The following BCKDHB variants were observed in gnomAD, a reference collection of about 807,000 sequenced individuals.
BCKDHB encodes 2-oxoisovalerate dehydrogenase subunit beta, mitochondrial.
BCKDHB carries 41 observed loss-of-function variants against 48.5 expected under a neutral mutation model. The ratio of observed to expected loss-of-function variants is 0.85; its 90% CI spans 0.66 to 1.10. BCKDHB has a LOEUF of 1.10. Among genes scored for constraint, BCKDHB ranks in the 50% least tolerant of loss-of-function variants. BCKDHB has a pLI of 0.00. For missense variants in BCKDHB, 496 were observed against 494.2 expected, an observed-to-expected ratio of 1.00 and a Z score of -0.03; for synonymous variants, 201 against 174.8, an observed-to-expected ratio of 1.15 and a Z score of -1.18.
At chr6:80,292,428 A>AT (rs1363406842) in intron 9 of BCKDHB, among the ~76,000 whole-genome samples, 6 of 151,834 alleles carry the variant, frequency 4.0e-5, no homozygotes, top group African/African-American at 1.5e-4. Flanking sequence ...ACTCCTCTTT[A>AT]TAAAACCATC....
At position 80,155,134 on chromosome 6, in the gene BCKDHB, C is replaced by T. The variant is rs9448903; in HGVS notation, c.344-12544C>T. Reference sequence around the variant, plus strand: ...GAAGTTTTCCTGATCATTTTTATTCCTGTTTTCTTAACATGCTTTTTATTT... The same window carrying T: ...GAAGTTTTCCTGATCATTTTTATTCTTGTTTTCTTAACATGCTTTTTATTT... On this transcript the variant is annotated intron_variant, in intron 3 of 9. Transcript: ENST00000320393. Among the ~76,000 whole-genome samples, 149 of 152,080 alleles carry T rather than the reference C, an allele frequency of 9.8e-4. 1 individual carries two copies. Among genetic ancestry groups the T allele is most frequent in the Middle Eastern group, 3.4e-3 (1 of 294 alleles).
At chr6:80,257,636 G>A (rs1777109624) in intron 8 of BCKDHB, among the ~76,000 whole-genome samples, 1 of 152,002 alleles carries the variant, frequency 6.6e-6, no homozygotes, top group South Asian at 2.1e-4. Flanking sequence ...CTGTCTGTAA[G>A]CTAGAGATTC....
intron 9 of BCKDHB, among the ~76,000 whole-genome samples, chr6:80,315,870 C>T (rs539822676): frequency 6.6e-6 from 1 of 152,144 alleles, no homozygotes; most frequent in Non-Finnish European, 1.5e-5. Context: ...AAAGCACCTA[C>T]CACAATATGT....
the BCKDHB span, among the ~76,000 whole-genome samples, chr6:80,456,440 C>G: frequency 1.3e-5 from 2 of 152,094 alleles, no homozygotes; most frequent in Non-Finnish European, 2.9e-5. Context: ...TTTCCTAGCT[C>G]CCAGATTTCT....
the BCKDHB span, among the ~76,000 whole-genome samples, chr6:80,367,294 A>G: frequency 6.6e-6 from 1 of 152,136 alleles, no homozygotes; most frequent in African/African-American, 2.4e-5. Flanking sequence ...TTATTAGAAT[A>G]AATTTTACCA....
chr6:80,253,999 ATTACT>A (rs1376007995), intron 8 of BCKDHB, among the ~76,000 whole-genome samples: 1 of 151,924 alleles, frequency 6.6e-6, no homozygotes, highest in Non-Finnish European at 1.5e-5. Flanking sequence ...AATTATGATC[ATTACT>A]TTATTACAAA....
chr6:80,433,697 G>T, the BCKDHB span, among the ~76,000 whole-genome samples: 1 of 151,478 alleles, frequency 6.6e-6, no homozygotes, highest in Non-Finnish European at 1.5e-5. Context: ...CATTCCAGGA[G>T]TCACTGGTGT....
At chr6:80,273,691 A>C (rs551656798) in intron 9 of BCKDHB, among the ~76,000 whole-genome samples, 4 of 152,158 alleles carry the variant, frequency 2.6e-5, no homozygotes, top group African/African-American at 9.6e-5. Context: ...TTTAATAAGT[A>C]ATTTTGAAAA....
the BCKDHB span, among the ~76,000 whole-genome samples, chr6:80,377,761 T>A: frequency 6.6e-6 from 1 of 152,248 alleles, no homozygotes; most frequent in Admixed American, 6.5e-5. Flanking sequence ...AATACAGCAG[T>A]GTAATTTCTC....
rs1290030099 is a variant in BCKDHB at position 80,171,398 on chromosome 6, TTTTC to T, written c.742+12_742+15del. 3 of 1,510,652 alleles carry T rather than the reference TTTTC, an allele frequency of 2.0e-6. No individual in the cohort carries two copies. The highest frequency in any genetic ancestry group is 2.7e-6 in the Non-Finnish European group (3 of 1,093,830). 93.6% of individuals were successfully genotyped at this position (1,510,652 alleles called of 1,614,324 possible). ...TACTTTACAGGGCAGCAGGTAAAGA[TTTTC>T]TTTATTTTATATTTGTGAATATCTT... On this transcript the variant is annotated intron_variant, in intron 6 of 9. Transcript: ENST00000320393.
chr6:80,282,089 G>A (rs574744740), intron 9 of BCKDHB, among the ~76,000 whole-genome samples: 44 of 152,196 alleles, frequency 2.9e-4, no homozygotes, highest in South Asian at 2.3e-3. Flanking sequence ...GAGAACTAAC[G>A]TGTACTCTGT....
intron 8 of BCKDHB, among the ~76,000 whole-genome samples, chr6:80,243,322 G>T (rs957926216): frequency 6.6e-6 from 1 of 152,124 alleles, no homozygotes; most frequent in African/African-American, 2.4e-5. Flanking sequence ...GTCCCAATCA[G>T]GGGGAAGAGG....
chr6:80,257,945 C>A (rs922262934), intron 8 of BCKDHB, among the ~76,000 whole-genome samples: 1 of 151,908 alleles, frequency 6.6e-6, no homozygotes, highest in Admixed American at 6.6e-5. Context: ...CTCAACTTAA[C>A]TATTTGACAC....
chr6:80,219,376 T>C (rs1775312015), intron 8 of BCKDHB, among the ~76,000 whole-genome samples: 1 of 152,100 alleles, frequency 6.6e-6, no homozygotes, highest in South Asian at 2.1e-4. Context: ...ACCACTAATT[T>C]TGTATTTTTT....
chr6:80,333,398 C>G (rs1163116749), intron 9 of BCKDHB, among the ~76,000 whole-genome samples: 1 of 152,192 alleles, frequency 6.6e-6, no homozygotes, highest in Non-Finnish European at 1.5e-5. Flanking sequence ...TGTGTGGTTA[C>G]TATTTAGTCT....
the BCKDHB span, chr6:80,443,519 T>C: frequency 8.1e-4 from 123 of 152,342 alleles, 1 homozygote; most frequent in African/African-American, 2.8e-3. Context: ...GAGCTTCTTA[T>C]TCATGTTATC....
the BCKDHB span, among the ~76,000 whole-genome samples, chr6:80,459,325 T>C: frequency 0.88 from 134,697 of 152,206 alleles, 59,940 homozygotes; most frequent in East Asian, 0.95. Flanking sequence ...TTCTTTAAGA[T>C]GCAATAATAT....
chr6:80,440,285 A>G, the BCKDHB span, among the ~76,000 whole-genome samples: 2 of 152,210 alleles, frequency 1.3e-5, no homozygotes, highest in Admixed American at 6.5e-5. Context: ...AGGTAATACA[A>G]TGACTAAGTA....
At chr6:80,429,389 G>C in the BCKDHB span, among the ~76,000 whole-genome samples, 2 of 152,108 alleles carry the variant, frequency 1.3e-5, no homozygotes, top group African/African-American at 2.4e-5. Context: ...ATTTATAATA[G>C]TTTTTTCCAA....
Sources: gnomAD v4.1 joint callset for allele counts (sites outside exome capture counted in the v4.1 genomes callset) on GRCh38, gnomAD v4.1.1 for gene constraint, MANE v1.5 for transcripts, NCBI Gene and HGNC (gene_info 2026-07-23, HGNC 2026-07-21) for gene names.